The following SGCZ variants were observed in gnomAD, a reference collection of about 807,000 sequenced individuals.
SGCZ encodes the protein sarcoglycan zeta.
A neutral mutation model predicts 41.3 loss-of-function variants in SGCZ; 40 were observed. The ratio of observed to expected loss-of-function variants is 0.97; its 90% confidence interval spans 0.75 to 1.26. The LOEUF (loss-of-function observed/expected upper bound fraction) is 1.26, where lower values mean the gene tolerates loss of function less well. SGCZ is among the 50% of genes most tolerant of loss of function. The pLI is 0.00. For synonymous variants in SGCZ, 206 were observed against 137.5 expected (o/e 1.50, Z -3.49); for missense variants, 552 against 369.8 (o/e 1.49, Z -4.04).
At chr8:14,970,083 C>T (rs923257575) in intron 1 of SGCZ, among the ~76,000 whole-genome samples, 1 of 152,098 alleles carries the variant, frequency 6.6e-6, no homozygotes, top group African/African-American at 2.4e-5. Flanking sequence ...CACTCATTCT[C>T]ATAAGTGTGT....
At chr8:14,873,555 G>A (rs556039026) in intron 1 of SGCZ, among the ~76,000 whole-genome samples, 24 of 152,160 alleles carry the variant, frequency 1.6e-4, no homozygotes, top group African/African-American at 4.3e-4. Context: ...AAGAGTAGCC[G>A]TTACATGACT....
chr8:14,422,659 C>T (rs1266363400), intron 2 of SGCZ, among the ~76,000 whole-genome samples: 3 of 152,154 alleles, frequency 2.0e-5, no homozygotes, highest in Non-Finnish European at 4.4e-5. Context: ...ATTTGCTGAA[C>T]AAAGAAAGCC....
chr8:14,619,468 G>A (rs1346620840), intron 1 of SGCZ, among the ~76,000 whole-genome samples: 1 of 152,080 alleles, frequency 6.6e-6, no homozygotes, highest in East Asian at 1.9e-4. Context: ...AAAAAATAAA[G>A]GGTATTCAAT....
At chr8:14,665,241 C>T (rs1807872371) in intron 1 of SGCZ, among the ~76,000 whole-genome samples, 1 of 152,196 alleles carries the variant, frequency 6.6e-6, no homozygotes, top group East Asian at 1.9e-4. Context: ...CAATTCCCAC[C>T]TATGAGTGAG....
chr8:14,099,916 TTCACATACAATTTCATTC>T (rs1214820867), intron 7 of SGCZ, among the ~76,000 whole-genome samples: 12 of 152,134 alleles, frequency 7.9e-5, no homozygotes, highest in Admixed American at 3.3e-4. Flanking sequence ...AGTGCAGAAT[TTCACATACAATTTCATTC>T]TTCTACATTT....
rs554182466 is a variant in SGCZ, at chr8:15,135,298, C to T, written c.39+102287G>A. 6.6e-5 allele frequency among the ~76,000 whole-genome samples: 10 copies of T among 152,210 alleles called. No homozygotes were observed. In the East Asian group the frequency reaches 1.9e-3, roughly 30 times the overall value. ...TGCTGAAAACTTTTGGGTAAATGAA[C>T]GAGTCAGAAAAAGCAGAGTTGCTGA... is the stretch of plus-strand genomic sequence containing the variant. On this transcript the variant is annotated intron_variant, in intron 1 of 7. Coordinates refer to ENST00000382080, the MANE Select transcript of SGCZ (RefSeq NM_139167.4).
rs543461547 is a variant in SGCZ, at chr8:14,687,259, A to T, written c.40-132333T>A. Among the ~76,000 whole-genome samples the T allele has an allele frequency of 1.2e-4, 18 of 151,134 alleles. No individual in the cohort carries two copies. In the South Asian group the frequency reaches 3.5e-3, roughly 30 times the overall value. Reference sequence around the variant, plus strand: ...TGCACAATGTGCACGTTAGTTACATATGTATACTTGTGCCATGTTGGTGTG... The same window carrying T: ...TGCACAATGTGCACGTTAGTTACATTTGTATACTTGTGCCATGTTGGTGTG... On this transcript the variant is annotated intron_variant, in intron 1 of 7. Coordinates refer to ENST00000382080, the MANE Select transcript of SGCZ (RefSeq NM_139167.4).
intron 2 of SGCZ, among the ~76,000 whole-genome samples, chr8:14,386,793 A>C (rs1804594538): frequency 6.6e-6 from 1 of 152,210 alleles, no homozygotes; most frequent in African/African-American, 2.4e-5. Flanking sequence ...TACATGCAAG[A>C]CAGAATTAGA....
intron 2 of SGCZ, among the ~76,000 whole-genome samples, chr8:14,413,301 T>C (rs543400027): frequency 6.6e-6 from 1 of 152,096 alleles, no homozygotes; most frequent in African/African-American, 2.4e-5. Context: ...AGAACACACG[T>C]TGTGTCAGCA....
chr8:14,591,977 G>A (rs531468318), intron 1 of SGCZ, among the ~76,000 whole-genome samples: 2 of 152,106 alleles, frequency 1.3e-5, no homozygotes, highest in Non-Finnish European at 2.9e-5. Flanking sequence ...GCCAGCAATA[G>A]TAAACAGTTA....
At chr8:15,097,892 A>G (rs553110196) in intron 1 of SGCZ, among the ~76,000 whole-genome samples, 1,924 of 13,224 alleles carry the variant, frequency 0.15, 134 homozygotes, top group Middle Eastern at 0.5. Flanking sequence ...ACGTGTGTAT[A>G]TATATATATA....
intron 1 of SGCZ, among the ~76,000 whole-genome samples, chr8:15,163,277 T>C (rs548763243): frequency 3.9e-5 from 6 of 152,350 alleles, no homozygotes; most frequent in East Asian, 1.9e-4. Context: ...CAACGTCTTA[T>C]GAGGTAGACA....
chr8:14,103,350 T>G (rs1455646529), intron 6 of SGCZ, among the ~76,000 whole-genome samples: 1 of 152,170 alleles, frequency 6.6e-6, no homozygotes, highest in Non-Finnish European at 1.5e-5. Flanking sequence ...GTAGGATCCA[T>G]GCACTGGTCT....
intron 1 of SGCZ, among the ~76,000 whole-genome samples, chr8:14,848,672 C>G (rs1803217792): frequency 6.6e-6 from 1 of 152,148 alleles, no homozygotes; most frequent in African/African-American, 2.4e-5. Flanking sequence ...TTGATCTTCT[C>G]TCCCACTATC....
chr8:14,908,762 A>AAAAAG (rs1554520075), intron 1 of SGCZ, among the ~76,000 whole-genome samples: 1 of 150,596 alleles, frequency 6.6e-6, no homozygotes, highest in African/African-American at 2.4e-5. Context: ...AAAAAAAAAA[A>AAAAAG]AGAGAGAGAG....
At chr8:15,058,719 G>A (rs1804805849) in intron 1 of SGCZ, among the ~76,000 whole-genome samples, 1 of 152,152 alleles carries the variant, frequency 6.6e-6, no homozygotes, top group African/African-American at 2.4e-5. Context: ...CACTTTTTGT[G>A]TTCGCTTAGG....
intron 2 of SGCZ, among the ~76,000 whole-genome samples, chr8:14,486,524 C>T (rs543778881): frequency 6.6e-6 from 1 of 152,348 alleles, no homozygotes; most frequent in South Asian, 2.1e-4. Flanking sequence ...CTACAAGCCA[C>T]TCATGGAGAA....
intron 1 of SGCZ, among the ~76,000 whole-genome samples, chr8:14,661,958 G>A (rs1807765048): frequency 6.6e-6 from 1 of 152,022 alleles, no homozygotes; most frequent in Non-Finnish European, 1.5e-5. Flanking sequence ...ATTTTCAAAT[G>A]ATGAGCTTAT....
chr8:14,198,097 T>C (rs1005306893), intron 4 of SGCZ, among the ~76,000 whole-genome samples: 6 of 152,114 alleles, frequency 3.9e-5, no homozygotes, highest in Admixed American at 3.3e-4. Flanking sequence ...AATGGAAAAT[T>C]CCAGAAAGAA....
Sources: gnomAD v4.1 joint callset for allele counts (sites outside exome capture counted in the v4.1 genomes callset) on GRCh38, gnomAD v4.1.1 for gene constraint, MANE v1.5 for transcripts, NCBI Gene and HGNC (gene_info 2026-07-23, HGNC 2026-07-21) for gene names.